Variants in SPMIP3 observed in about 807,000 individuals in gnomAD.
SPMIP3 encodes protein SPMIP3.
At chr1:244,358,987 G>A in the SPMIP3 span, among the ~76,000 whole-genome samples, 1 of 152,166 alleles carries the variant, frequency 6.6e-6, no homozygotes, top group African/African-American at 2.4e-5. Context: ...GACCATGAAA[G>A]TGATGGTAAG....
At chr1:244,387,415 T>G in the SPMIP3 span, among the ~76,000 whole-genome samples, 9 of 152,222 alleles carry the variant, frequency 5.9e-5, no homozygotes, top group Non-Finnish European at 1.3e-4. Context: ...TAAGCAAAAT[T>G]GTTAATGATT....
chr1:244,368,688 T>C, the SPMIP3 span, among the ~76,000 whole-genome samples: 1 of 152,250 alleles, frequency 6.6e-6, no homozygotes, highest in Non-Finnish European at 1.5e-5. Flanking sequence ...TGTGTACCCC[T>C]GGTGACTGAT....
At chr1:244,372,575 C>G in the SPMIP3 span, among the ~76,000 whole-genome samples, 1 of 152,016 alleles carries the variant, frequency 6.6e-6, no homozygotes, top group Non-Finnish European at 1.5e-5. Flanking sequence ...TCCCAAATAG[C>G]TGGGACTACA....
the SPMIP3 span, chr1:244,378,729 G>A: frequency 2.1e-6 from 3 of 1,399,624 alleles, no homozygotes; most frequent in African/African-American, 1.4e-5. Flanking sequence ...GTCTCAGGGA[G>A]CCTGTTTGGG....
chr1:244,372,263 C>T, the SPMIP3 span, among the ~76,000 whole-genome samples: 2 of 152,262 alleles, frequency 1.3e-5, no homozygotes, highest in African/African-American at 2.4e-5. Context: ...TGAGGACAAG[C>T]GCTGCTTCTT....
At chr1:244,360,557 CAT>C in the SPMIP3 span, among the ~76,000 whole-genome samples, 4 of 56,064 alleles carry the variant, frequency 7.1e-5, no homozygotes, top group Non-Finnish European at 9.9e-5. Flanking sequence ...CACACACACA[CAT>C]GCATGCATGG....
chr1:244,359,527 G>C, the SPMIP3 span, among the ~76,000 whole-genome samples: 5 of 151,984 alleles, frequency 3.3e-5, no homozygotes, highest in Non-Finnish European at 7.4e-5. Context: ...TTCGAGACCA[G>C]CCTAGCCAAC....
chr1:244,379,020 C>T, the SPMIP3 span, among the ~76,000 whole-genome samples: 2 of 152,140 alleles, frequency 1.3e-5, no homozygotes, highest in African/African-American at 4.8e-5. Flanking sequence ...ACTCCGCCTC[C>T]TGGGTTCACT....
the SPMIP3 span, among the ~76,000 whole-genome samples, chr1:244,368,462 G>A: frequency 9.2e-5 from 14 of 152,186 alleles, no homozygotes; most frequent in African/African-American, 2.9e-4. Flanking sequence ...ACTGACTGGC[G>A]GACATGGGAC....
At chr1:244,378,543 C>A in the SPMIP3 span, 3 of 1,613,482 alleles carry the variant, frequency 1.9e-6, no homozygotes, top group Non-Finnish European at 1.7e-6. Context: ...AACACTCATT[C>A]GATATATTTG....
chr1:244,386,716 A>G, the SPMIP3 span, among the ~76,000 whole-genome samples: 1 of 152,228 alleles, frequency 6.6e-6, no homozygotes, highest in South Asian at 2.1e-4. Context: ...AAAATCCTCA[A>G]AGATCTCATT....
At chr1:244,385,194 A>G in the SPMIP3 span, among the ~76,000 whole-genome samples, 3 of 152,136 alleles carry the variant, frequency 2.0e-5, no homozygotes, top group Admixed American at 6.6e-5. Context: ...TGCCCAGCCT[A>G]GGCCAGTGTT....
the SPMIP3 span, chr1:244,376,495 T>A: frequency 1.3e-5 from 2 of 152,214 alleles, no homozygotes; most frequent in East Asian, 3.8e-4. Context: ...TAAACGTTTA[T>A]GAGAACATTT....
the SPMIP3 span, among the ~76,000 whole-genome samples, chr1:244,363,657 T>C: frequency 3.3e-5 from 5 of 152,132 alleles, no homozygotes; most frequent in African/African-American, 1.2e-4. Context: ...TCCAGGAGTA[T>C]TGAGTTCAAG....
chr1:244,386,525 G>A, the SPMIP3 span, among the ~76,000 whole-genome samples: 2 of 152,120 alleles, frequency 1.3e-5, no homozygotes, highest in African/African-American at 2.4e-5. Context: ...CAACCCCATC[G>A]TACAGCCTGC....
At chr1:244,365,324 A>G in the SPMIP3 span, among the ~76,000 whole-genome samples, 2 of 152,120 alleles carry the variant, frequency 1.3e-5, no homozygotes, top group Non-Finnish European at 2.9e-5. Flanking sequence ...CGTGGGAGGG[A>G]CCTGGTGGGA....
the SPMIP3 span, among the ~76,000 whole-genome samples, chr1:244,388,434 A>G: frequency 2.1e-5 from 3 of 146,330 alleles, no homozygotes; most frequent in African/African-American, 7.6e-5. Flanking sequence ...TGCCTTTGCT[A>G]TTGACTGTTT....
the SPMIP3 span, chr1:244,364,662 T>A: frequency 1.3e-6 from 2 of 1,583,010 alleles, no homozygotes; most frequent in Non-Finnish European, 8.7e-7. Flanking sequence ...GGCAATATAA[T>A]CCTTTATGCC....
the SPMIP3 span, among the ~76,000 whole-genome samples, chr1:244,371,234 C>T: frequency 6.6e-6 from 1 of 152,194 alleles, no homozygotes; most frequent in Non-Finnish European, 1.5e-5. Context: ...CCTGCACCTG[C>T]CCAGTGAGAA....
Sources: gnomAD v4.1 joint callset for allele counts (sites outside exome capture counted in the v4.1 genomes callset) on GRCh38, gnomAD v4.1.1 for gene constraint, MANE v1.5 for transcripts, NCBI Gene and HGNC (gene_info 2026-07-23, HGNC 2026-07-21) for gene names.